The following TACR1 variants were observed in gnomAD, a reference collection of about 807,000 sequenced individuals.
TACR1 encodes the protein substance-P receptor.
In TACR1, 25 loss-of-function variants were observed where a neutral mutation model predicts 35.8. The ratio of observed to expected loss-of-function variants is 0.70; its 90% CI spans 0.51 to 0.98. TACR1 has a LOEUF of 0.98. Ranked by LOEUF, TACR1 falls within the 50% of genes least tolerant of loss-of-function variation. TACR1 has a pLI of 0.00. For missense variants in TACR1, 478 were observed against 522.9 expected, an observed-to-expected ratio of 0.91 and a Z score of 0.84; for synonymous variants, 195 against 206.7, an observed-to-expected ratio of 0.94 and a Z score of 0.48.
intron 1 of TACR1, among the ~76,000 whole-genome samples, chr2:75,151,239 C>G (rs147526550): frequency 6.6e-6 from 1 of 152,214 alleles, no homozygotes; most frequent in East Asian, 1.9e-4. Context: ...TGTTAATCCC[C>G]AAGACCATGG....
chr2:75,092,247 G>A (rs1673325888), intron 2 of TACR1, among the ~76,000 whole-genome samples: 1 of 151,976 alleles, frequency 6.6e-6, no homozygotes, highest in African/African-American at 2.4e-5. Flanking sequence ...AGCCTCACTG[G>A]TTCCTACCTC....
chr2:75,138,270 CA>C (rs1384300071), intron 1 of TACR1, among the ~76,000 whole-genome samples: 1 of 152,224 alleles, frequency 6.6e-6, no homozygotes, highest in Non-Finnish European at 1.5e-5. Flanking sequence ...CAGATTTTAG[CA>C]TTGCTGCTGG....
At chr2:75,078,095 C>T (rs553821409) in intron 2 of TACR1, among the ~76,000 whole-genome samples, 3 of 152,252 alleles carry the variant, frequency 2.0e-5, no homozygotes, top group East Asian at 1.9e-4. Flanking sequence ...GGGGGTGTTC[C>T]CCAGATCACC....
chr2:75,172,501 C>A (rs1675314066), intron 1 of TACR1, among the ~76,000 whole-genome samples: 1 of 152,112 alleles, frequency 6.6e-6, no homozygotes, highest in Non-Finnish European at 1.5e-5. Flanking sequence ...CCTTCCATGT[C>A]TTCCCTAAGG....
chr2:75,153,732 T>C (rs560559678), intron 1 of TACR1, among the ~76,000 whole-genome samples: 1 of 152,312 alleles, frequency 6.6e-6, no homozygotes, highest in Non-Finnish European at 1.5e-5. Flanking sequence ...CCCTTTTAAG[T>C]TGTGAAGACA....
At chr2:75,093,946 G>C (rs940511488) in intron 2 of TACR1, among the ~76,000 whole-genome samples, 1 of 152,086 alleles carries the variant, frequency 6.6e-6, no homozygotes, top group Non-Finnish European at 1.5e-5. Context: ...CCACAGAGAA[G>C]CACAGATGTA....
intron 1 of TACR1, chr2:75,154,409 C>CGCGCGT (rs1491305556): frequency 1.0e-5 from 1 of 97,106 alleles, no homozygotes; most frequent in Non-Finnish European, 2.4e-5. Context: ...AGAGCGCGCA[C>CGCGCGT]GCACACACAC....
intron 1 of TACR1, among the ~76,000 whole-genome samples, chr2:75,157,677 C>T (rs1334405084): frequency 1.3e-5 from 2 of 151,968 alleles, no homozygotes; most frequent in Non-Finnish European, 2.9e-5. Flanking sequence ...GGAACTGTTC[C>T]TCTATAAAAA....
intron 2 of TACR1, among the ~76,000 whole-genome samples, chr2:75,087,781 C>T (rs141445986): frequency 2.2e-4 from 33 of 152,214 alleles, no homozygotes; most frequent in Non-Finnish European, 4.6e-4. Context: ...GGTCTATCCC[C>T]TTGGAAAATT....
At chr2:75,114,370 T>G (rs1673810470) in intron 2 of TACR1, among the ~76,000 whole-genome samples, 1 of 152,242 alleles carries the variant, frequency 6.6e-6, no homozygotes, top group Non-Finnish European at 1.5e-5. Flanking sequence ...CTCATTTTTT[T>G]GGATGTCCTT....
chr2:75,092,288 T>G (rs1673326663), intron 2 of TACR1, among the ~76,000 whole-genome samples: 1 of 152,116 alleles, frequency 6.6e-6, no homozygotes, highest in African/African-American at 2.4e-5. Context: ...AAAACCTCCC[T>G]GCTTGATTAT....
chr2:75,073,801 C>T (rs552851716), intron 2 of TACR1, among the ~76,000 whole-genome samples: 1 of 151,384 alleles, frequency 6.6e-6, no homozygotes, highest in Non-Finnish European at 1.5e-5. Context: ...CTTCCTATAG[C>T]CTCACATAGG....
At chr2:75,170,425 T>A (rs1182662679) in intron 1 of TACR1, among the ~76,000 whole-genome samples, 1 of 152,174 alleles carries the variant, frequency 6.6e-6, no homozygotes, top group Non-Finnish European at 1.5e-5. Flanking sequence ...CAATCCTGAG[T>A]ATGTCTTTAT....
At chr2:75,105,524 A>T (rs900575138) in intron 2 of TACR1, among the ~76,000 whole-genome samples, 1 of 151,978 alleles carries the variant, frequency 6.6e-6, no homozygotes, top group Non-Finnish European at 1.5e-5. Context: ...TAGATCTTAA[A>T]TGTTCTCACC....
chr2:75,050,819 G>A (rs1672448778), intron 4 of TACR1, among the ~76,000 whole-genome samples: 1 of 152,238 alleles, frequency 6.6e-6, no homozygotes, highest in South Asian at 2.1e-4. Flanking sequence ...AATGTGCTCT[G>A]TGGGGGGATG....
chr2:75,105,333 G>C (rs886944615), intron 2 of TACR1, among the ~76,000 whole-genome samples: 2 of 151,792 alleles, frequency 1.3e-5, no homozygotes, highest in African/African-American at 4.8e-5. Context: ...TAAAACAGTT[G>C]AACTCATAAA....
intron 2 of TACR1, among the ~76,000 whole-genome samples, chr2:75,059,748 A>G (rs1348938078): frequency 2.0e-5 from 3 of 152,210 alleles, no homozygotes; most frequent in African/African-American, 7.2e-5. Context: ...GCTGTTCCCC[A>G]GAGCCCCCTT....
intron 1 of TACR1, among the ~76,000 whole-genome samples, chr2:75,161,154 ACCCCC>A (rs926264522): frequency 6.6e-6 from 1 of 151,510 alleles, no homozygotes; most frequent in Non-Finnish European, 1.5e-5. Flanking sequence ...CAAAAACCAA[ACCCCC>A]CAAAACAAAC....
chr2:75,109,584 T>C (rs925622418), intron 2 of TACR1, among the ~76,000 whole-genome samples: 32 of 152,214 alleles, frequency 2.1e-4, no homozygotes, highest in Admixed American at 2.0e-3. Context: ...TAATTCCATA[T>C]TTGTTTTTAA....
Sources: gnomAD v4.1 joint callset for allele counts (sites outside exome capture counted in the v4.1 genomes callset) on GRCh38, gnomAD v4.1.1 for gene constraint, MANE v1.5 for transcripts, NCBI Gene and HGNC (gene_info 2026-07-23, HGNC 2026-07-21) for gene names.